The following KNG1 variants were observed in gnomAD, a reference collection of about 807,000 sequenced individuals.
The protein encoded by KNG1 is kininogen 1.
In KNG1, 23 loss-of-function variants were observed where a neutral mutation model predicts 47.8. The observed-to-expected ratio is 0.48, with a 90% CI of 0.35 to 0.68. KNG1 has a LOEUF of 0.68. KNG1 is among the 30% of genes least tolerant of loss of function. The pLI is 0.01. For synonymous variants in KNG1, 277 were observed against 277.0 expected, an observed-to-expected ratio of 1.00 and a Z score of 0.00; for missense variants, 762 against 790.2, an observed-to-expected ratio of 0.96 and a Z score of 0.43.
intron 2 of KNG1, 57 bp from the exon 3 acceptor site, chr3:186,722,380 A>C: frequency 7.4e-7 from 1 of 1,351,844 alleles, no homozygotes; most frequent in Non-Finnish European, 1.1e-6. Context: ...CAACAGTATT[A>C]GGTAGACTTT....
In KNG1 at chr3:186,732,688, A is replaced by G; in HGVS notation, c.930+14A>G. The G allele has an allele frequency of 6.2e-7, 1 of 1,605,180 alleles. No homozygotes were observed. Among genetic ancestry groups the G allele is most frequent in the Non-Finnish European group, 8.5e-7 (1 of 1,171,802 alleles). On this transcript the variant is annotated intron_variant, in intron 7 of 9. Transcript: ENST00000644859. ...GCAAGAGTACAGGTGTGTAAACTAT[A>G]CTACAAAAGCAGTAACACTATAGTC...
intron 3 of KNG1, 78 bp from the exon 4 acceptor site, chr3:186,725,010 C>A (rs1720313017): frequency 2.0e-6 from 3 of 1,515,114 alleles, no homozygotes; most frequent in Non-Finnish European, 2.7e-6. Flanking sequence ...CACGCCCAGC[C>A]TCTTCTTTGT....
chr3:186,720,396 G>A (rs1447025260), intron 2 of KNG1, 181 bp downstream of exon 2: 1 of 618,004 alleles, frequency 1.6e-6, no homozygotes, highest in East Asian at 2.8e-5. Flanking sequence ...GAAAAATCAT[G>A]GAGAAGCCAG....
intron 4 of KNG1, among the ~76,000 whole-genome samples, chr3:186,726,884 T>A (rs1226772357): frequency 6.6e-6 from 1 of 152,140 alleles, no homozygotes; most frequent in Non-Finnish European, 1.5e-5. Context: ...TTTTATGAAA[T>A]TCAGTAAACA....
intron 4 of KNG1, among the ~76,000 whole-genome samples, chr3:186,726,791 T>A (rs545402439): frequency 4.6e-5 from 7 of 152,280 alleles, no homozygotes; most frequent in African/African-American, 1.7e-4. Context: ...TCTTACTACT[T>A]GGTAACCTGG....
At position 186,741,386 on chromosome 3, in the gene KNG1, T is replaced by G. The variant is rs1003729393; in HGVS notation, c.1126-136T>G. 2.4e-5 allele frequency: 17 copies of G among 722,178 alleles called. 1 individual carries two copies. In the African/African-American group the frequency reaches 2.9e-4, roughly 12 times the overall value. 44.7% of individuals were successfully genotyped at this position (722,178 alleles called of 1,614,324 possible). ...AAATTATTCATCCTTTCTGGAATGT[T>G]AATATAGCATTTAAAATCTGGCAAA... On this transcript the variant is annotated intron_variant, in intron 9 of 9. Transcript: ENST00000644859.
At chr3:186,731,266 A>AT (rs1720524718) in intron 5 of KNG1, among the ~76,000 whole-genome samples, 1 of 152,012 alleles carries the variant, frequency 6.6e-6, no homozygotes, top group African/African-American at 2.4e-5. Flanking sequence ...GTCTTACCTT[A>AT]TTTTTTTAGA....
rs573855436 is a variant in KNG1 at position 186,720,850 on chromosome 3, C to T, written c.306+635C>T. Among the ~76,000 whole-genome samples the T allele has an allele frequency of 5.1e-4, 64 of 126,676 alleles. 1 individual carries two copies. Among genetic ancestry groups the T allele is most frequent in the Admixed American group, 4.4e-3 (45 of 10,166 alleles). 83.1% of individuals were successfully genotyped at this position (126,676 alleles called of 152,430 possible). A position where few individuals can be genotyped will look rare whatever the true frequency, so the allele number is the denominator to read the frequency against. ...TGTCGCTCAGGCTGGAGTGCAGTGG[C>T]GCGATCTCGGCTCACTGCAAGCTCT... On this transcript the variant is annotated intron_variant, in intron 2 of 9. Transcript: ENST00000644859.
At position 186,732,545 on chromosome 3, in the gene KNG1, C is replaced by A. The variant is rs1260169515; in HGVS notation, c.801C>A (p.Cys267Ter). Residue 267 changes from cysteine to a stop codon, truncating the protein, a stop_gained, in exon 7 of 10, where the codon TGC becomes TGA. Transcript: ENST00000644859. LOFTEE classifies it high-confidence loss of function. The part of the protein sequence containing the change: ...VQPPTKICVG[C>*]PRDIPTNSPE... ...CACCTACCAAGATTTGCGTGGGCTG[C>A]CCCAGAGATATACCCACCAACAGCC... The A allele has an allele frequency of 6.2e-7, 1 of 1,614,092 alleles. No homozygotes were observed. Among genetic ancestry groups the A allele is most frequent in the Non-Finnish European group, 8.5e-7 (1 of 1,180,000 alleles).
intron 7 of KNG1, chr3:186,738,634 G>A (rs556120770): frequency 6.0e-6 from 1 of 166,018 alleles, no homozygotes; most frequent in Non-Finnish European, 1.3e-5. Context: ...ATCACCTGAG[G>A]TCGGGAGTTC....
At position 186,740,105 on chromosome 3, in the gene KNG1, C is replaced by T. The variant is rs143436530; in HGVS notation, c.1125+691C>T. Among the ~76,000 whole-genome samples the T allele has an allele frequency of 1.8e-3, 281 of 151,988 alleles. 1 individual carries two copies. The highest frequency in any genetic ancestry group is 6.3e-3 in the African/African-American group (261 of 41,446). On this transcript the variant is annotated intron_variant, in intron 9 of 9. Transcript: ENST00000644859. Reference sequence around the variant, plus strand: ...CTCGCAAACCCCACTTCACAGCTACCGAATTTTAACCAGATCCCCAGGGGA... The same window carrying T: ...CTCGCAAACCCCACTTCACAGCTACTGAATTTTAACCAGATCCCCAGGGGA...
At chr3:186,739,942 G>A (rs2108636484) in intron 9 of KNG1, among the ~76,000 whole-genome samples, 2 of 152,160 alleles carry the variant, frequency 1.3e-5, no homozygotes, top group South Asian at 2.1e-4. Flanking sequence ...CAGCTACTCA[G>A]GGGGCTGAGG....
intron 5 of KNG1, among the ~76,000 whole-genome samples, chr3:186,729,774 G>T (rs778086865): frequency 6.6e-6 from 1 of 152,058 alleles, no homozygotes; most frequent in Admixed American, 6.6e-5. Context: ...CCGGGTTCAA[G>T]TGATTCTCCT....
chr3:186,743,421 AAAG>A lies in KNG1; in HGVS notation c.*1094_*1096del. ...ATTGCCTTTCATTGCCCTATAGTGCAAAGAAGGTATATGCTTTATAACCAATGT... is the reference window on the plus strand; with the variant it reads ...ATTGCCTTTCATTGCCCTATAGTGCAAAGGTATATGCTTTATAACCAATGT... On this transcript the variant is annotated 3_prime_UTR_variant, in exon 10 of 10. Transcript: ENST00000644859. 1 of 421,286 alleles carries A rather than the reference AAAG, an allele frequency of 2.4e-6. No homozygotes were observed. The highest frequency in any genetic ancestry group is 7.2e-4 in the Middle Eastern group (1 of 1,390). The allele number at this position is 421,286 out of a possible 1,614,324, so 26.1% of individuals were successfully genotyped here.
At chr3:186,734,712 C>T (rs1720625003) in intron 7 of KNG1, 1 of 152,082 alleles carries the variant, frequency 6.6e-6, no homozygotes, top group African/African-American at 2.4e-5. Flanking sequence ...GTGGTGCACA[C>T]CTTCAATCCC....
At chr3:186,741,186 G>T (rs909631858) in intron 9 of KNG1, among the ~76,000 whole-genome samples, 2 of 151,994 alleles carry the variant, frequency 1.3e-5, no homozygotes, top group Non-Finnish European at 2.9e-5. Flanking sequence ...TAGAGATGGG[G>T]TTTCAGCATG....
intron 5 of KNG1, among the ~76,000 whole-genome samples, chr3:186,730,981 G>T (rs1720516540): frequency 6.6e-6 from 1 of 151,002 alleles, no homozygotes; most frequent in African/African-American, 2.4e-5. Context: ...TTCTATTCAC[G>T]TGTAATTTTT....
At chr3:186,722,708 C>T (rs982872689) in intron 3 of KNG1, among the ~76,000 whole-genome samples, 187 bp downstream of exon 3, 11 of 152,336 alleles carry the variant, frequency 7.2e-5, no homozygotes, top group African/African-American at 2.6e-4. Flanking sequence ...ACCATCATCC[C>T]CTTAGGACTA....
chr3:186,722,174 G>A, intron 2 of KNG1: 1 of 373,110 alleles, frequency 2.7e-6, no homozygotes, highest in Admixed American at 4.3e-5. Context: ...ATACCCTCCA[G>A]GGCTCAAAAC....
Sources: allele counts gnomAD v4.1 joint callset (sites outside exome capture counted in the v4.1 genomes callset), GRCh38; gene constraint gnomAD v4.1.1; transcripts MANE v1.5; gene names NCBI Gene and HGNC (gene_info 2026-07-23, HGNC 2026-07-21).